The following ANO2 variants were observed in gnomAD, a reference collection of about 807,000 sequenced individuals.
ANO2 encodes the protein anoctamin 2.
Under a neutral mutation model 124.2 loss-of-function variants are expected in ANO2, and 101 were observed. The ratio of observed to expected loss-of-function variants is 0.81; its 90% CI spans 0.69 to 0.96. ANO2 has a LOEUF of 0.96. Among genes scored for constraint, ANO2 ranks in the 40% least tolerant of loss-of-function variants. The pLI, the probability that ANO2 is intolerant of heterozygous loss-of-function variation, is 0.00. For synonymous variants in ANO2, 486 were observed against 482.5 expected, an observed-to-expected ratio of 1.01 and a Z score of -0.09; for missense variants, 1,293 against 1,274.5, an observed-to-expected ratio of 1.01 and a Z score of -0.22.
At chr12:5,698,400 G>A (rs1949274982) in intron 14 of ANO2, among the ~76,000 whole-genome samples, 1 of 152,136 alleles carries the variant, frequency 6.6e-6, no homozygotes, top group Non-Finnish European at 1.5e-5. Flanking sequence ...CTGTTAGAAG[G>A]AAAACTAACA....
chr12:5,832,421 AC>A, intron 5 of ANO2, 30 bp downstream of exon 5: 1 of 1,612,710 alleles, frequency 6.2e-7, no homozygotes, highest in Non-Finnish European at 8.5e-7. Context: ...ATCCCTTCCC[AC>A]ATCTCTGCTC....
At chr12:5,588,704 T>A (rs1455335917) in intron 20 of ANO2, among the ~76,000 whole-genome samples, 2 of 152,116 alleles carry the variant, frequency 1.3e-5, no homozygotes, top group Non-Finnish European at 2.9e-5. Context: ...TCTAAGAAAG[T>A]GAGGGTGGCA....
intron 7 of ANO2, among the ~76,000 whole-genome samples, chr12:5,820,754 T>C (rs1316768455): frequency 6.6e-6 from 1 of 152,376 alleles, no homozygotes; most frequent in South Asian, 2.1e-4. Flanking sequence ...CCATTTGGCC[T>C]GTGCAGAAGA....
intron 3 of ANO2, among the ~76,000 whole-genome samples, chr12:5,885,976 C>G (rs1938866928): frequency 6.6e-6 from 1 of 152,176 alleles, no homozygotes. Flanking sequence ...ACTGCACACC[C>G]TACTGCCAAT....
chr12:5,704,529 C>T (rs577594979), intron 14 of ANO2, among the ~76,000 whole-genome samples: 1 of 152,282 alleles, frequency 6.6e-6, no homozygotes, highest in South Asian at 2.1e-4. Flanking sequence ...TAGCCTTTTA[C>T]TGAACTTTGT....
rs116038816 is a variant in ANO2 at position 5,628,363 on chromosome 12, C to T, written c.1816+6789G>A. Reference sequence around the variant, plus strand: ...TATGTGAGTGCACTGCATTCTAAATCTTCTGGAACCTTTGTGGTGTTTCCT... The same window carrying T: ...TATGTGAGTGCACTGCATTCTAAATTTTCTGGAACCTTTGTGGTGTTTCCT... On this transcript the variant is annotated intron_variant, in intron 16 of 24. Coordinates refer to ENST00000682330, the MANE Select transcript of ANO2 (RefSeq NM_001364791.2). Among the ~76,000 whole-genome samples the T allele has an allele frequency of 3.2e-3, 482 of 152,328 alleles. 2 individuals are homozygous for T. The highest frequency in any genetic ancestry group is 0.011 in the African/African-American group (453 of 41,582).
intron 3 of ANO2, chr12:5,870,439 C>A (rs565894245): frequency 6.6e-6 from 1 of 152,376 alleles, no homozygotes; most frequent in East Asian, 1.9e-4. Flanking sequence ...TTCTGCTTCC[C>A]TATACAATGA....
intron 16 of ANO2, among the ~76,000 whole-genome samples, chr12:5,629,496 T>A (rs913167642): frequency 3.9e-5 from 6 of 152,170 alleles, no homozygotes; most frequent in African/African-American, 9.7e-5. Flanking sequence ...ACCAGTCAGC[T>A]CCATTGCTCT....
intron 3 of ANO2, among the ~76,000 whole-genome samples, chr12:5,902,085 T>G (rs1233195936): frequency 6.6e-6 from 1 of 152,136 alleles, no homozygotes; most frequent in Non-Finnish European, 1.5e-5. Context: ...TAGATTACAC[T>G]CAGAGATGTA....
chr12:5,689,261 G>C (rs1948832430), intron 14 of ANO2, among the ~76,000 whole-genome samples: 1 of 152,152 alleles, frequency 6.6e-6, no homozygotes, highest in Admixed American at 6.5e-5. Context: ...TAGGAGGGCA[G>C]AATCTTTGAC....
intron 5 of ANO2, 99 bp from the exon 6 acceptor site, chr12:5,830,588 T>C (rs894096765): frequency 9.5e-6 from 10 of 1,053,092 alleles, no homozygotes; most frequent in African/African-American, 6.3e-5. Context: ...GAAAGCAACA[T>C]AGCAAGACTT....
intron 16 of ANO2, among the ~76,000 whole-genome samples, chr12:5,629,897 A>AT (rs1240218782): frequency 6.6e-6 from 1 of 152,184 alleles, no homozygotes; most frequent in Non-Finnish European, 1.5e-5. Flanking sequence ...TTGCCTCCAG[A>AT]TTCCAGCATG....
intron 10 of ANO2, among the ~76,000 whole-genome samples, chr12:5,766,827 T>A (rs1951906766): frequency 6.6e-6 from 1 of 152,204 alleles, no homozygotes; most frequent in Non-Finnish European, 1.5e-5. Flanking sequence ...TCTGGCTCAG[T>A]CGGAGACTAA....
intron 14 of ANO2, among the ~76,000 whole-genome samples, chr12:5,700,216 A>C: frequency 6.6e-6 from 1 of 152,240 alleles, no homozygotes; most frequent in Admixed American, 6.5e-5. Context: ...CAAATGTAAA[A>C]GAACAGAAAT....
At chr12:5,755,173 C>T (rs940634781) in intron 10 of ANO2, among the ~76,000 whole-genome samples, 1 of 151,492 alleles carries the variant, frequency 6.6e-6, no homozygotes, top group Admixed American at 6.6e-5. Flanking sequence ...AGATATAGTA[C>T]TCTTGATTGG....
chr12:5,633,191 G>C (rs961818073), intron 16 of ANO2, among the ~76,000 whole-genome samples: 1 of 152,164 alleles, frequency 6.6e-6, no homozygotes, highest in African/African-American at 2.4e-5. Context: ...AGAAGAGGAC[G>C]CTGGCATTCC....
At chr12:5,850,625 G>T (rs1286844308) in intron 4 of ANO2, among the ~76,000 whole-genome samples, 1 of 152,024 alleles carries the variant, frequency 6.6e-6, no homozygotes, top group African/African-American at 2.4e-5. Flanking sequence ...ATTGGTGCTG[G>T]GCTAATGAGT....
chr12:5,790,781 C>G (rs1952673949), intron 10 of ANO2, among the ~76,000 whole-genome samples: 1 of 152,162 alleles, frequency 6.6e-6, no homozygotes, highest in Non-Finnish European at 1.5e-5. Context: ...CCATTTTCCC[C>G]CTTCTTTGAG....
Position 5,851,905 on chromosome 12 carries a change from G to C in ANO2, c.633+2138C>G, listed in dbSNP as rs1379520252. ...CTGTGTCTCTAGGTTTCCCCTAAAAGGGTTACCCTGGGGGATGGAAATCAT... is the reference window on the plus strand; with the variant it reads ...CTGTGTCTCTAGGTTTCCCCTAAAACGGTTACCCTGGGGGATGGAAATCAT... On this transcript the variant is annotated intron_variant, in intron 4 of 24. Transcript: ENST00000682330. 5.5e-6 allele frequency: 4 copies of C among 731,020 alleles called. No individual in the cohort carries two copies. The Admixed American group carries it at 7.5e-5, about 14-fold the overall frequency. The allele number at this position is 731,020 out of a possible 1,614,324, so 45.3% of individuals were successfully genotyped here. A position where few individuals can be genotyped will look rare whatever the true frequency, so the allele number is the denominator to read the frequency against.
Sources: gnomAD v4.1 joint callset for allele counts (sites outside exome capture counted in the v4.1 genomes callset) on GRCh38, gnomAD v4.1.1 for gene constraint, MANE v1.5 for transcripts, NCBI Gene and HGNC (gene_info 2026-07-23, HGNC 2026-07-21) for gene names.